The following LTK variants were observed in gnomAD, a reference collection of about 807,000 sequenced individuals.
The protein encoded by LTK is leukocyte tyrosine kinase receptor.
LTK carries 117 observed loss-of-function variants against 101.5 expected under a neutral mutation model. The observed-to-expected ratio is 1.15, with a 90% confidence interval of 0.99 to 1.34. The LOEUF is 1.34. Among genes scored for constraint, LTK ranks in the 40% most tolerant of loss-of-function variants. The pLI, the probability that LTK is intolerant of heterozygous loss-of-function variation, is 0.00. For missense variants in LTK, 1,252 were observed against 1,164.7 expected, an observed-to-expected ratio of 1.07 and a Z score of -1.09; for synonymous variants, 563 against 494.2, an observed-to-expected ratio of 1.14 and a Z score of -1.85.
At chr15:41,508,451 C>T (rs1444779887) in intron 8 of LTK, among the ~76,000 whole-genome samples, 1 of 83,378 alleles carries the variant, frequency 1.2e-5, no homozygotes, top group Non-Finnish European at 2.2e-5. Flanking sequence ...CCAGCTACTC[C>T]AGCACTGAGG....
chr15:41,510,722 G>A (rs2051430798), intron 7 of LTK, among the ~76,000 whole-genome samples: 1 of 151,730 alleles, frequency 6.6e-6, no homozygotes, highest in Non-Finnish European at 1.5e-5. Context: ...TGGCCTCCCA[G>A]AGTGCTAGAA....
chr15:41,512,181 GAA>G lies in LTK; in HGVS notation c.442_443del (p.Phe148LeufsTer24), dbSNP rs2051499265. 1 of 1,613,054 alleles carries G rather than the reference GAA, an allele frequency of 6.2e-7. No homozygotes were observed. The highest frequency in any genetic ancestry group is 8.5e-7 in the Non-Finnish European group (1 of 1,179,848). ...ACAGCGACTCCCCGAGACCGAGGGA[GAA>G]GATTGCTGAGACGAAGACGCCATGC... ...RAHGVFVSAI[F>X]SLGLGESLYI... On this transcript the variant is annotated frameshift_variant, in exon 4 of 20. Coordinates refer to ENST00000263800, the MANE Select transcript of LTK (RefSeq NM_002344.6). LOFTEE classifies it high-confidence loss of function.
rs1382028423 is a variant in LTK, at chr15:41,507,285, G to C, written c.1351C>G (p.Gln451Glu). 1.9e-6 allele frequency: 3 copies of C among 1,593,768 alleles called. 1 individual carries two copies. Among genetic ancestry groups the C allele is most frequent in the South Asian group, 2.2e-5 (2 of 89,324 alleles). ...TCCTGCAGGCCCTGCCACTTCTTCT[G>C]CTTCACTGGGGGTGGGAAGAATAAC... The part of the protein sequence containing the change: ...MVCGVLILVK[Q>E]KKWQGLQEMR... Residue 451 changes from glutamine to glutamate, a missense_variant, in exon 11 of 20, where the codon CAG (glutamine) becomes GAG (glutamate). Gln to Glu is a conservative substitution (Grantham distance 29, BLOSUM62 2). Transcript: ENST00000263800.
chr15:41,511,933 C>T lies in LTK; in HGVS notation c.541G>A (p.Gly181Arg). 1 of 1,498,150 alleles carries T rather than the reference C, an allele frequency of 6.7e-7. No individual in the cohort carries two copies. The highest frequency in any genetic ancestry group is 8.8e-7 in the Non-Finnish European group (1 of 1,138,466). 92.8% of individuals were successfully genotyped at this position (1,498,150 alleles called of 1,614,324 possible). ...GSPESQLVCL[G>R]ESRAVEEHAA... ...TGCTCTTCAACGGCTCGAGACTCCC[C>T]GAGGCAGACGAGCTGGCTCTCCGGG... is the stretch of plus-strand genomic sequence containing the variant. The change falls in exon 5 of 20, where the codon GGG (glycine) becomes AGG (arginine). Residue 181 changes from glycine to arginine, a missense_variant. Gly to Arg is a moderately radical substitution (Grantham distance 125). Transcript: ENST00000263800. The surrounding 1 kb of genome is among the most constrained non-coding windows in gnomAD (Gnocchi z 5.9).
In LTK at chr15:41,512,826, C is replaced by T. The variant is rs773772471; in HGVS notation, c.240G>A (p.Gly80=). ...FSTCGASGRH[G]PTQTQCDGAY... ...CCCCGTCACATTGTGTCTGTGTGGGCCCATGCCGGCCGCTGGCCCCGCAGG... is the reference window on the plus strand; with the variant it reads ...CCCCGTCACATTGTGTCTGTGTGGGTCCATGCCGGCCGCTGGCCCCGCAGG... Residue 80 remains glycine (G), a synonymous_variant, in exon 3 of 20, where the codon GGG becomes GGA. Coordinates refer to ENST00000263800, the MANE Select transcript of LTK (RefSeq NM_002344.6). 2.5e-6 allele frequency: 4 copies of T among 1,612,398 alleles called. No individual in the cohort carries two copies. In the East Asian group the frequency reaches 8.9e-5, roughly 36 times the overall value.
In LTK at chr15:41,508,221, A is replaced by C; in HGVS notation, c.1097T>G (p.Val366Gly). 6.2e-7 allele frequency: 1 copy of C among 1,609,248 alleles called. No homozygotes were observed. Among genetic ancestry groups the C allele is most frequent in the Non-Finnish European group, 8.5e-7 (1 of 1,177,964 alleles). The change falls in exon 9 of 20, where the codon GTC (valine) becomes GGC (glycine). Residue 366 changes from valine to glycine, a missense_variant and splice_region_variant. Physicochemically the swap from Val to Gly is moderately radical, Grantham distance 109. Coordinates refer to ENST00000263800, the MANE Select transcript of LTK (RefSeq NM_002344.6). ...SSELFLQPLA[V>G]TENHGEVEIR... ...CTCTACCTCTCCGTGGTTCTCGGTGACTGTGAGTAAAAGAACTGATATGAT... is the reference window on the plus strand; with the variant it reads ...CTCTACCTCTCCGTGGTTCTCGGTGCCTGTGAGTAAAAGAACTGATATGAT...
intron 11 of LTK, among the ~76,000 whole-genome samples, chr15:41,506,723 T>G (rs941956486): frequency 1.3e-5 from 2 of 152,076 alleles, no homozygotes; most frequent in South Asian, 4.1e-4. Context: ...CCCACGTAGC[T>G]GGGATTACAG....
In LTK at chr15:41,511,637, C is replaced by T. The variant is rs2051466814; in HGVS notation, c.658-59G>A. On this transcript the variant is annotated intron_variant, in intron 5 of 19. Coordinates refer to ENST00000263800, the MANE Select transcript of LTK (RefSeq NM_002344.6). This position sits in a 1 kb window ranked among gnomAD's most constrained non-coding sequence, Gnocchi z 5.9. ...CTCCAGCTGTCCAGGGGCACTGCCA[C>T]TGGGAGAGGGCTCCCGCCCAGGGGG... The T allele has an allele frequency of 2.6e-5, 36 of 1,408,798 alleles. No individual in the cohort carries two copies. The highest frequency in any genetic ancestry group is 3.3e-5 in the Non-Finnish European group (36 of 1,093,442). The allele number at this position is 1,408,798 out of a possible 1,614,324, so 87.3% of individuals were successfully genotyped here. A position where few individuals can be genotyped will look rare whatever the true frequency, so the allele number is the denominator to read the frequency against.
intron 8 of LTK, 152 bp downstream of exon 8, chr15:41,508,879 C>A (rs568264992): frequency 1.2e-5 from 6 of 507,878 alleles, no homozygotes; most frequent in Non-Finnish European, 1.7e-5. Flanking sequence ...ATGATGACAG[C>A]CCACTTTTCA....
Position 41,511,394 on chromosome 15 carries a change from C to G in LTK, c.814+28G>C, listed in dbSNP as rs1595468800. ...TTGGCAGCCACACGGGGAGCACGCC[C>G]GCCTCTCCCCGCGGCCCGCGCCCTC... On this transcript the variant is annotated intron_variant, in intron 6 of 19. Transcript: ENST00000263800. The surrounding 1 kb of genome is among the most constrained non-coding windows in gnomAD (Gnocchi z 5.9). 1 of 1,372,200 alleles carries G rather than the reference C, an allele frequency of 7.3e-7. No homozygotes were observed. Among genetic ancestry groups the G allele is most frequent in the South Asian group, 1.7e-5 (1 of 58,470 alleles). 85.0% of individuals were successfully genotyped at this position (1,372,200 alleles called of 1,614,324 possible).
In LTK at chr15:41,511,211, C is replaced by T. The variant is rs2051446193; in HGVS notation, c.950G>A (p.Gly317Asp). The change falls in exon 7 of 20, where the codon GGC becomes GAC. Residue 317 changes from glycine to aspartate, a missense_variant. By Grantham distance (94) the Gly-to-Asp change is moderately conservative. Transcript: ENST00000263800. The surrounding 1 kb of genome is among the most constrained non-coding windows in gnomAD (Gnocchi z 5.9). ...LGWAAAGGFG[G>D]GGGACTAGGG... The stretch of plus-strand genomic sequence containing the variant: ...GCCCGCAGTGCAGGCCCCGCCGCCG[C>T]CCCCGAAGCCGCCGGCCGCGGCCCA... 2 of 1,388,262 alleles carry T rather than the reference C, an allele frequency of 1.4e-6. No individual in the cohort carries two copies. Among genetic ancestry groups the T allele is most frequent in the South Asian group, 1.6e-5 (1 of 62,512 alleles). The allele number at this position is 1,388,262 out of a possible 1,614,324, so 86.0% of individuals were successfully genotyped here.
Position 41,504,002 on chromosome 15 carries a change from G to A in LTK, c.2589C>T (p.Arg863=). ...QPQNLWNPTY[R]S is the part of the protein sequence containing the mutation. ...CCTCAGGGCCCCTTGGGGCTCAGGA[G>A]CGATAAGTGGGATTCCAAAGGTTCT... The change falls in exon 20 of 20, where the codon CGC becomes CGT. Residue 863 remains arginine, a synonymous_variant. Transcript: ENST00000263800. 3.7e-6 allele frequency: 6 copies of A among 1,602,352 alleles called. No homozygotes were observed. The highest frequency in any genetic ancestry group is 5.1e-6 in the Non-Finnish European group (6 of 1,174,576).
chr15:41,504,548 CCAA>C lies in LTK; in HGVS notation c.2210_2212del (p.Val737del). On this transcript the variant is annotated inframe_deletion, in exon 18 of 20. Transcript: ENST00000263800. ...CCTAGGAGGGTCCATCCGGCCTCCT[CCAA>C]CGACGAAGTCCAGCACCTCCTGGTT... 1.2e-6 allele frequency: 2 copies of C among 1,613,866 alleles called. No homozygotes were observed. Among genetic ancestry groups the C allele is most frequent in the Non-Finnish European group, 8.5e-7 (1 of 1,179,974 alleles).
Position 41,504,136 on chromosome 15 carries a change from G to C in LTK, c.2455C>G (p.Gln819Glu), listed in dbSNP as rs2051166131. Residue 819 changes from glutamine to glutamate, a missense_variant, in exon 20 of 20, where the codon CAG becomes GAG. Coordinates refer to ENST00000263800, the MANE Select transcript of LTK (RefSeq NM_002344.6). ...TTCTCTGGACTCAGTTCCTGGGGCT[G>C]TGGGGGTCTTAGGCACTCCAAAGAT... ...NRSLECLRPP[Q>E]PQELSPEKLK... 1.2e-6 allele frequency: 2 copies of C among 1,614,090 alleles called. No individual in the cohort carries two copies. The highest frequency in any genetic ancestry group is 2.2e-5 in the East Asian group (1 of 44,890).
At position 41,507,669 on chromosome 15, in the gene LTK, G is replaced by T; in HGVS notation, c.1250-12C>A. 1 of 1,610,436 alleles carries T rather than the reference G, an allele frequency of 6.2e-7. No individual in the cohort carries two copies. The highest frequency in any genetic ancestry group is 2.2e-5 in the East Asian group (1 of 44,684). On this transcript the variant is annotated splice_polypyrimidine_tract_variant and intron_variant, in intron 9 of 19. Coordinates refer to ENST00000263800, the MANE Select transcript of LTK (RefSeq NM_002344.6). ...GGGCTTGTGCAGGTCTAGGGAGAAAGAGAGACACCTCCAGTGGGAAGGTCT... is the reference window on the plus strand; with the variant it reads ...GGGCTTGTGCAGGTCTAGGGAGAAATAGAGACACCTCCAGTGGGAAGGTCT...
At chr15:41,507,342 C>A in intron 10 of LTK, 52 bp from the exon 11 acceptor site, 1 of 1,517,576 alleles carries the variant, frequency 6.6e-7, no homozygotes, top group Non-Finnish European at 8.9e-7. Context: ...TCAACTCTCC[C>A]TCCCCCACCT....
chr15:41,511,657 A>G lies in LTK; in HGVS notation c.658-79T>C. 7.2e-7 allele frequency: 1 copy of G among 1,398,510 alleles called. No individual in the cohort carries two copies. Among genetic ancestry groups the G allele is most frequent in the Middle Eastern group, 2.2e-4 (1 of 4,578 alleles). 86.6% of individuals were successfully genotyped at this position (1,398,510 alleles called of 1,614,324 possible). ...TGCCACTGGGAGAGGGCTCCCGCCC[A>G]GGGGGCCTGGATAAGGGCAGGGGCC... On this transcript the variant is annotated intron_variant, in intron 5 of 19. Transcript: ENST00000263800. This position sits in a 1 kb window ranked among gnomAD's most constrained non-coding sequence, Gnocchi z 5.9.
At chr15:41,510,530 C>A (rs1357942525) in intron 7 of LTK, among the ~76,000 whole-genome samples, 2 of 150,948 alleles carry the variant, frequency 1.3e-5, no homozygotes, top group African/African-American at 4.9e-5. Flanking sequence ...GGAGTGATCT[C>A]GGCTCACTGC....
At position 41,511,286 on chromosome 15, in the gene LTK, T is replaced by C; in HGVS notation, c.875A>G (p.Glu292Gly). ...PSPQAGRSLQ[E>G]GAEGGQGCSE... ...GCAGCCCTGGCCGCCCTCCGCCCCC[T>C]CCTGCAGTGAGCGGCCGGCCTGCGG... The change falls in exon 7 of 20, where the codon GAG becomes GGG. Residue 292 changes from glutamate to glycine, a missense_variant. Transcript: ENST00000263800. This position sits in a 1 kb window ranked among gnomAD's most constrained non-coding sequence, Gnocchi z 5.9. The C allele has an allele frequency of 7.1e-7, 1 of 1,402,986 alleles. No individual in the cohort carries two copies. The highest frequency in any genetic ancestry group is 9.2e-7 in the Non-Finnish European group (1 of 1,084,958). The allele number at this position is 1,402,986 out of a possible 1,614,324, so 86.9% of individuals were successfully genotyped here. A position where few individuals can be genotyped will look rare whatever the true frequency, so the allele number is the denominator to read the frequency against.
Sources: gnomAD v4.1 joint callset for allele counts (sites outside exome capture counted in the v4.1 genomes callset) on GRCh38, gnomAD v4.1.1 for gene constraint, Gnocchi (gnomAD v3.1) non-coding constraint, MANE v1.5 for transcripts, NCBI Gene and HGNC (gene_info 2026-07-23, HGNC 2026-07-21) for gene names.